FYB1: variants seen among roughly 807,000 people sequenced by gnomAD.
The protein encoded by FYB1 is FYN-binding protein 1.
In FYB1, 41 loss-of-function variants were observed where a neutral mutation model predicts 94.1. The observed-to-expected ratio is 0.44, with a 90% confidence interval of 0.34 to 0.57. The LOEUF is 0.57. FYB1 is among the 20% of genes least tolerant of loss of function. The probability of loss-of-function intolerance (pLI) is 0.02; values close to 1 mark genes in which losing one functional copy is unlikely to be tolerated. For missense variants in FYB1, 1,050 were observed against 976.8 expected (o/e 1.07, Z -1.00); for synonymous variants, 367 against 353.2 (o/e 1.04, Z -0.44).
chr5:39,230,642 T>C (rs751285678), intron 1 of FYB1, among the ~76,000 whole-genome samples: 18 of 152,130 alleles, frequency 1.2e-4, no homozygotes, highest in Non-Finnish European at 2.2e-4. Flanking sequence ...TAAACATGCT[T>C]ACAGTCACTT....
At chr5:39,197,352 A>T (rs1013176653) in intron 2 of FYB1, among the ~76,000 whole-genome samples, 2 of 152,164 alleles carry the variant, frequency 1.3e-5, no homozygotes, top group Non-Finnish European at 2.9e-5. Context: ...TAATTATACC[A>T]TGCAGCAAAT....
At chr5:39,238,864 C>T (rs188308455) in intron 1 of FYB1, among the ~76,000 whole-genome samples, 3 of 152,198 alleles carry the variant, frequency 2.0e-5, no homozygotes, top group South Asian at 2.1e-4. Context: ...GTCACATGGT[C>T]ACACGTGAAA....
chr5:39,125,530 A>G (rs1740577815), intron 12 of FYB1, among the ~76,000 whole-genome samples: 3 of 152,188 alleles, frequency 2.0e-5, no homozygotes, highest in Non-Finnish European at 4.4e-5. Flanking sequence ...ATTCAAAATT[A>G]TGTTCTTTAT....
intron 1 of FYB1, among the ~76,000 whole-genome samples, chr5:39,237,870 C>T (rs933479401): frequency 6.6e-6 from 1 of 152,090 alleles, no homozygotes; most frequent in Non-Finnish European, 1.5e-5. Flanking sequence ...TAAAGCATCA[C>T]TCAGGGAATG....
intron 2 of FYB1, among the ~76,000 whole-genome samples, chr5:39,159,623 C>A (rs1744069656): frequency 6.6e-6 from 1 of 152,194 alleles, no homozygotes; most frequent in Admixed American, 6.5e-5. Flanking sequence ...GAGAATGCCC[C>A]ATCTGACTAT....
Position 39,202,099 on chromosome 5 carries a change from T to A in FYB1, c.862A>T (p.Ile288Leu), listed in dbSNP as rs1044360421. The change falls in exon 2 of 19, where the codon ATA becomes TTA. Residue 288 changes from isoleucine (I) to leucine (L), a missense_variant. Ile to Leu is a conservative substitution (Grantham distance 5, BLOSUM62 2). Transcript: ENST00000512982. Reference sequence around the variant, plus strand: ...TGGAAGGTGTTCTTAGCAGCATCTATCTTCCTATCTTCCTTTTTTTCTTCA... The same window carrying A: ...TGGAAGGTGTTCTTAGCAGCATCTAACTTCCTATCTTCCTTTTTTTCTTCA... ...NGEEKKEDRK[I>L]DAAKNTFQSK... is the part of the protein sequence containing the mutation. 19 of 1,613,942 alleles carry A rather than the reference T, an allele frequency of 1.2e-5. No homozygotes were observed. Among genetic ancestry groups the A allele is most frequent in the Non-Finnish European group, 1.4e-5 (17 of 1,179,914 alleles).
chr5:39,136,535 A>G (rs1741693967), intron 7 of FYB1, among the ~76,000 whole-genome samples: 1 of 152,214 alleles, frequency 6.6e-6, no homozygotes, highest in Non-Finnish European at 1.5e-5. Flanking sequence ...GAATCTTATG[A>G]TACAGTGTAT....
chr5:39,201,246 A>T (rs951738502), intron 2 of FYB1, among the ~76,000 whole-genome samples: 1 of 152,192 alleles, frequency 6.6e-6, no homozygotes, highest in African/African-American at 2.4e-5. Flanking sequence ...TCATCTCTGT[A>T]CTATTGACAT....
At chr5:39,135,402 C>T (rs192914070) in intron 7 of FYB1, among the ~76,000 whole-genome samples, 13 of 152,298 alleles carry the variant, frequency 8.5e-5, no homozygotes, top group Admixed American at 5.9e-4. Flanking sequence ...GGAGTTTTTT[C>T]CCCTTTGCAT....
intron 2 of FYB1, among the ~76,000 whole-genome samples, chr5:39,192,723 A>G (rs573718686): frequency 3.4e-4 from 52 of 152,372 alleles, no homozygotes; most frequent in African/African-American, 1.2e-3. Flanking sequence ...CCTGTAAACT[A>G]AATGATAAGT....
chr5:39,112,266 G>T (rs931057653), intron 16 of FYB1, among the ~76,000 whole-genome samples: 3 of 151,848 alleles, frequency 2.0e-5, no homozygotes, highest in African/African-American at 7.2e-5. Context: ...AAATTGGGGG[G>T]TTCTGCTTTC....
chr5:39,136,196 A>G (rs760827137), intron 7 of FYB1, among the ~76,000 whole-genome samples: 1 of 152,098 alleles, frequency 6.6e-6, no homozygotes, highest in South Asian at 2.1e-4. Flanking sequence ...CAGCCTCCCA[A>G]GTAGCTGGGA....
intron 16 of FYB1, among the ~76,000 whole-genome samples, chr5:39,111,639 T>C (rs1739086979): frequency 6.6e-6 from 1 of 151,890 alleles, no homozygotes; most frequent in Non-Finnish European, 1.5e-5. Context: ...AATTTATAAG[T>C]ATCATATTTG....
intron 1 of FYB1, chr5:39,269,693 A>C (rs956383812): frequency 6.6e-6 from 1 of 152,260 alleles, no homozygotes; most frequent in African/African-American, 2.4e-5. Context: ...TCTGCAATGC[A>C]CAATCTCCAA....
chr5:39,271,511 G>A (rs1377426428), intron 1 of FYB1, among the ~76,000 whole-genome samples: 1 of 152,172 alleles, frequency 6.6e-6, no homozygotes, highest in Non-Finnish European at 1.5e-5. Context: ...CAAATTTCCA[G>A]ATCTTGTTGT....
chr5:39,139,563 A>G lies in FYB1; in HGVS notation c.1340-311T>C, dbSNP rs56278914. 31,322 of 174,174 alleles carry G rather than the reference A, an allele frequency of 0.18. 3,168 individuals carry two copies. Among genetic ancestry groups the G allele is most frequent in the Middle Eastern group, 0.23 (88 of 388 alleles). The allele number at this position is 174,174 out of a possible 1,614,324, so 10.8% of individuals were successfully genotyped here. A position where few individuals can be genotyped will look rare whatever the true frequency, so the allele number is the denominator to read the frequency against. ...TGTCCATTTGGTTTTCTGGGCTTGC[A>G]TGGAAAAAGGTATTAAAAAATCACT... On this transcript the variant is annotated intron_variant, in intron 4 of 18. Coordinates refer to ENST00000512982, the MANE Select transcript of FYB1 (RefSeq NM_001465.6).
At chr5:39,138,007 A>T in intron 6 of FYB1, 1 of 394,188 alleles carries the variant, frequency 2.5e-6, no homozygotes, top group Non-Finnish European at 4.6e-6. Context: ...TGTTCGCATA[A>T]ATAGAATCCA....
At chr5:39,116,025 A>G (rs1245564485) in intron 16 of FYB1, among the ~76,000 whole-genome samples, 3 of 152,198 alleles carry the variant, frequency 2.0e-5, no homozygotes, top group African/African-American at 4.8e-5. Context: ...CTCCTGAAGG[A>G]CAGGAGTTTG....
intron 1 of FYB1, among the ~76,000 whole-genome samples, chr5:39,217,835 A>G (rs1358245651): frequency 6.6e-6 from 1 of 152,178 alleles, no homozygotes; most frequent in African/African-American, 2.4e-5. Flanking sequence ...ATGAAATATC[A>G]TTTCTACATC....
Sources: allele counts gnomAD v4.1 joint callset (sites outside exome capture counted in the v4.1 genomes callset), GRCh38; gene constraint gnomAD v4.1.1; transcripts MANE v1.5; gene names NCBI Gene and HGNC (gene_info 2026-07-23, HGNC 2026-07-21).